The following HECW1 variants were observed in gnomAD, a reference collection of about 807,000 sequenced individuals.
The protein encoded by HECW1 is E3 ubiquitin-protein ligase HECW1.
Under a neutral mutation model 182.3 loss-of-function variants are expected in HECW1, and 61 were observed. That is an observed-to-expected ratio of 0.33 (90% CI 0.27 to 0.41). HECW1 has a LOEUF of 0.41. HECW1 is among the 10% of genes least tolerant of loss of function. HECW1 has a pLI of 1.00. For synonymous variants in HECW1, 859 were observed against 832.6 expected (o/e 1.03, Z -0.55); for missense variants, 1,739 against 2,108.9 (o/e 0.82, Z 3.44).
intron 2 of HECW1, among the ~76,000 whole-genome samples, chr7:43,232,892 A>G (rs2152710373): frequency 6.6e-6 from 1 of 152,324 alleles, no homozygotes; most frequent in African/African-American, 2.4e-5. Flanking sequence ...AGAAATCATT[A>G]ACACCAAAAA....
At chr7:43,420,537 C>T (rs2076146729) in intron 8 of HECW1, among the ~76,000 whole-genome samples, 1 of 152,136 alleles carries the variant, frequency 6.6e-6, no homozygotes, top group African/African-American at 2.4e-5. Flanking sequence ...ACAAAACTGT[C>T]TGTATTTTCA....
intron 5 of HECW1, among the ~76,000 whole-genome samples, chr7:43,340,150 G>T (rs1048312785): frequency 1.3e-5 from 2 of 151,888 alleles, no homozygotes; most frequent in Non-Finnish European, 2.9e-5. Context: ...TACTTAGTTA[G>T]CTGTAGAAGC....
intron 2 of HECW1, among the ~76,000 whole-genome samples, chr7:43,130,107 A>G (rs1786745643): frequency 6.6e-6 from 1 of 152,200 alleles, no homozygotes; most frequent in Non-Finnish European, 1.5e-5. Flanking sequence ...TTTGACTTAC[A>G]TAATTCTAGG....
intron 24 of HECW1, among the ~76,000 whole-genome samples, chr7:43,537,067 A>G (rs1055507523): frequency 5.3e-5 from 8 of 152,170 alleles, no homozygotes; most frequent in Non-Finnish European, 1.0e-4. Context: ...GCAGAAAAAG[A>G]GGGGAGCAGT....
intron 7 of HECW1, among the ~76,000 whole-genome samples, chr7:43,398,844 G>C (rs138271225): frequency 6.6e-6 from 1 of 152,164 alleles, no homozygotes; most frequent in African/African-American, 2.4e-5. Context: ...CAGTTAGTCA[G>C]GAGTGCTGAT....
At chr7:43,282,117 A>C (rs1437796005) in intron 3 of HECW1, among the ~76,000 whole-genome samples, 2 of 152,248 alleles carry the variant, frequency 1.3e-5, no homozygotes, top group Non-Finnish European at 2.9e-5. Context: ...ATGTATTTAC[A>C]GCAGGAGCAA....
In HECW1 at chr7:43,445,329, C is replaced by T; in HGVS notation, c.2157C>T (p.Phe719=). 1 of 1,613,844 alleles carries T rather than the reference C, an allele frequency of 6.2e-7. No homozygotes were observed. The highest frequency in any genetic ancestry group is 8.5e-7 in the Non-Finnish European group (1 of 1,180,032). ...ACAGGTTCGCCAGCCACACGCGCTT[C>T]TCCTCCGTGGACAGCGCCAAGATCT... ...NGNRFASHTR[F]SSVDSAKISE... The change falls in exon 11 of 30, where the codon TTC becomes TTT. Residue 719 remains phenylalanine, a synonymous_variant. Transcript: ENST00000395891.
intron 6 of HECW1, among the ~76,000 whole-genome samples, chr7:43,371,921 G>A (rs1480957779): frequency 1.3e-5 from 2 of 152,194 alleles, no homozygotes; most frequent in Non-Finnish European, 2.9e-5. Flanking sequence ...CCTGGTTCAA[G>A]TGATTCTCCT....
chr7:43,548,237 T>C (rs1374188386), intron 26 of HECW1, among the ~76,000 whole-genome samples: 1 of 140,134 alleles, frequency 7.1e-6, no homozygotes, highest in Non-Finnish European at 1.6e-5. Flanking sequence ...ACTCATTACA[T>C]TTCTAACTTT....
At chr7:43,488,742 G>A (rs1363090983) in intron 17 of HECW1, among the ~76,000 whole-genome samples, 2 of 152,176 alleles carry the variant, frequency 1.3e-5, no homozygotes, top group Non-Finnish European at 2.9e-5. Context: ...TTGGAGAAGG[G>A]CGTTTCCATC....
chr7:43,459,282 G>C (rs2077502555), intron 13 of HECW1, among the ~76,000 whole-genome samples: 1 of 152,140 alleles, frequency 6.6e-6, no homozygotes, highest in South Asian at 2.1e-4. Flanking sequence ...CCAGCACCTA[G>C]TGTGGTACCA....
At chr7:43,146,277 A>G (rs1390701562) in intron 2 of HECW1, among the ~76,000 whole-genome samples, 1 of 152,016 alleles carries the variant, frequency 6.6e-6, no homozygotes, top group Non-Finnish European at 1.5e-5. Context: ...GCTTTGTAGG[A>G]TATTTGGCAG....
Position 43,444,897 on chromosome 7 carries a change from C to A in HECW1, c.1725C>A (p.Gly575=). The A allele has an allele frequency of 6.2e-7, 1 of 1,602,370 alleles. No homozygotes were observed. The highest frequency in any genetic ancestry group is 8.5e-7 in the Non-Finnish European group (1 of 1,173,204). ...TLLHSMPSAQ[G]GSAAEEEDGA... ...TGCACAGCATGCCCTCCGCCCAGGG[C>A]GGCAGCGCGGCAGAGGAGGAGGACG... The change falls in exon 11 of 30, where the codon GGC becomes GGA. Residue 575 remains glycine (G), a synonymous_variant. Coordinates refer to ENST00000395891, the MANE Select transcript of HECW1 (RefSeq NM_015052.5). The surrounding 1 kb of genome is among the most constrained non-coding windows in gnomAD (Gnocchi z 4.3).
chr7:43,353,671 AT>A (rs1252792834), intron 5 of HECW1, among the ~76,000 whole-genome samples: 2 of 152,042 alleles, frequency 1.3e-5, no homozygotes, highest in African/African-American at 4.8e-5. Flanking sequence ...TGCATGGAAA[AT>A]TTTTCCCCAA....
rs1345907432 is a variant in HECW1 at position 43,501,246 on chromosome 7, C to A, written c.3555C>A (p.Pro1185=). 6.2e-7 allele frequency: 1 copy of A among 1,604,284 alleles called. No individual in the cohort carries two copies. Among genetic ancestry groups the A allele is most frequent in the South Asian group, 1.1e-5 (1 of 90,760 alleles). The change falls in exon 21 of 30, where the codon CCC becomes CCA. Residue 1185 remains proline (P), a synonymous_variant. Transcript: ENST00000395891. ...LFEEEIMSYV[P]LQAAFHPGYS... ...AAGAAGAGATTATGTCCTACGTCCCCCTGCAGGCTGCCTTCCACCCTGGGT... is the reference window on the plus strand; with the variant it reads ...AAGAAGAGATTATGTCCTACGTCCCACTGCAGGCTGCCTTCCACCCTGGGT...
chr7:43,192,725 A>G (rs1184835657), intron 2 of HECW1, among the ~76,000 whole-genome samples: 1 of 152,152 alleles, frequency 6.6e-6, no homozygotes, highest in Non-Finnish European at 1.5e-5. Context: ...TATTTTTTAG[A>G]TCTTATTTTA....
chr7:43,138,126 C>T (rs1266619851), intron 2 of HECW1, among the ~76,000 whole-genome samples: 1 of 152,064 alleles, frequency 6.6e-6, no homozygotes, highest in South Asian at 2.1e-4. Context: ...ATTTTTTTCT[C>T]TAGCTGTAAA....
intron 3 of HECW1, among the ~76,000 whole-genome samples, chr7:43,293,640 C>T (rs1290217905): frequency 6.6e-6 from 1 of 152,222 alleles, no homozygotes; most frequent in Non-Finnish European, 1.5e-5. Context: ...CAGTCCTCAA[C>T]CTTCAGCATC....
Position 43,563,700 on chromosome 7 carries a change from C to A in HECW1, c.*1774C>A. The stretch of plus-strand genomic sequence containing the variant: ...CCTGGCCAACATGGTGAAACCCCAT[C>A]TCTACTAAAAATACAAAAATTAGCC... On this transcript the variant is annotated 3_prime_UTR_variant, in exon 30 of 30. Coordinates refer to ENST00000395891, the MANE Select transcript of HECW1 (RefSeq NM_015052.5). 1 of 174,636 alleles carries A rather than the reference C, an allele frequency of 5.7e-6. No individual in the cohort carries two copies. Among genetic ancestry groups the A allele is most frequent in the Non-Finnish European group, 1.2e-5 (1 of 81,010 alleles). The allele number at this position is 174,636 out of a possible 1,614,324, so 10.8% of individuals were successfully genotyped here. A position where few individuals can be genotyped will look rare whatever the true frequency, so the allele number is the denominator to read the frequency against.
Sources: gnomAD v4.1 joint callset for allele counts (sites outside exome capture counted in the v4.1 genomes callset) on GRCh38, gnomAD v4.1.1 for gene constraint, Gnocchi (gnomAD v3.1) non-coding constraint, MANE v1.5 for transcripts, NCBI Gene and HGNC (gene_info 2026-07-23, HGNC 2026-07-21) for gene names.